Variants in ABCC9 observed in about 807,000 individuals in gnomAD.
The protein encoded by ABCC9 is ATP binding cassette subfamily C member 9.
Under a neutral mutation model 188.3 loss-of-function variants are expected in ABCC9, and 95 were observed. The observed-to-expected ratio is 0.50, with a 90% CI of 0.43 to 0.60. The LOEUF is 0.60. Ranked by LOEUF, ABCC9 falls within the 20% of genes least tolerant of loss-of-function variation. ABCC9 has a pLI of 0.00. For missense variants in ABCC9, 1,102 were observed against 1,876.3 expected (o/e 0.59, Z 7.62); for synonymous variants, 659 against 652.7 (o/e 1.01, Z -0.15).
chr12:21,856,666 C>G (rs955640003), intron 22 of ABCC9, among the ~76,000 whole-genome samples: 18 of 152,188 alleles, frequency 1.2e-4, no homozygotes, highest in African/African-American at 4.3e-4. Flanking sequence ...TTTCTCAACT[C>G]TATTTTCTTT....
chr12:21,840,375 C>T (rs756987615), intron 29 of ABCC9, among the ~76,000 whole-genome samples: 30 of 152,138 alleles, frequency 2.0e-4, no homozygotes, highest in East Asian at 3.9e-4. Context: ...ATAAGAATAG[C>T]GTACAATCCA....
intron 4 of ABCC9, among the ~76,000 whole-genome samples, chr12:21,929,979 C>A (rs1949211640): frequency 8.6e-6 from 1 of 115,678 alleles, no homozygotes; most frequent in African/African-American, 3.3e-5. Flanking sequence ...GCTATCCCTC[C>A]CCCCTCCCCC....
At chr12:21,851,949 C>G (rs571124856) in intron 24 of ABCC9, 148 bp downstream of exon 24, 2 of 970,232 alleles carry the variant, frequency 2.1e-6, no homozygotes, top group African/African-American at 1.6e-5. Flanking sequence ...TAATAATATG[C>G]AAAGATACAA....
At position 21,925,861 on chromosome 12, in the gene ABCC9, C is replaced by T. The variant is rs1949023591; in HGVS notation, c.406+81G>A. 4.1e-6 allele frequency: 6 copies of T among 1,461,818 alleles called. No homozygotes were observed. The Admixed American group carries it at 8.4e-5, about 21-fold the overall frequency. 90.6% of individuals were successfully genotyped at this position (1,461,818 alleles called of 1,614,324 possible). A position where few individuals can be genotyped will look rare whatever the true frequency, so the allele number is the denominator to read the frequency against. On this transcript the variant is annotated intron_variant, in intron 5 of 39. Coordinates refer to ENST00000261200, the MANE Select transcript of ABCC9 (RefSeq NM_020297.4). ...CCCACACACTCTGATACTATTTACC[C>T]TGAGGAAAAAGAAAAATAACCCTTT...
rs1220942080 is a variant in ABCC9, at chr12:21,882,774, C to T, written c.2011G>A (p.Ala671Thr). 5 of 1,608,920 alleles carry T rather than the reference C, an allele frequency of 3.1e-6. No homozygotes were observed. The highest frequency in any genetic ancestry group is 4.3e-6 in the Non-Finnish European group (5 of 1,175,440). ...RLRPAETEDI[A>T]IKVTNGYFSW... ...CAGGAAATAAAAATAACCTTTATTG[C>T]AATGTCCTCTGTTTCTGCGGGACGT... The change falls in exon 16 of 40, where the codon GCA becomes ACA. Residue 671 changes from alanine (A) to threonine (T), a missense_variant. By Grantham distance (58) the Ala-to-Thr change is moderately conservative. Coordinates refer to ENST00000261200, the MANE Select transcript of ABCC9 (RefSeq NM_020297.4).
chr12:21,910,703 T>C (rs1948283964), intron 9 of ABCC9, 123 bp downstream of exon 9: 1 of 839,986 alleles, frequency 1.2e-6, no homozygotes, highest in Non-Finnish European at 2.0e-6. Flanking sequence ...TATAGAAACG[T>C]TGTTGTTGTA....
chr12:21,900,597 G>A (rs546229313), intron 12 of ABCC9, among the ~76,000 whole-genome samples: 2 of 152,298 alleles, frequency 1.3e-5, no homozygotes, highest in African/African-American at 4.8e-5. Flanking sequence ...AGAATAACCA[G>A]TGTAGAGAAG....
intron 23 of ABCC9, 26 bp downstream of exon 23, chr12:21,852,342 A>T (rs752099811): frequency 1.9e-6 from 3 of 1,613,730 alleles, no homozygotes; most frequent in South Asian, 2.2e-5. Context: ...TATAAAAATG[A>T]GCAAAATTCT....
intron 12 of ABCC9, among the ~76,000 whole-genome samples, chr12:21,899,454 A>G (rs1469196814): frequency 6.6e-6 from 1 of 152,092 alleles, no homozygotes; most frequent in Non-Finnish European, 1.5e-5. Flanking sequence ...GGCTTGTTGG[A>G]CAGTGGGTGC....
At chr12:21,876,089 A>G (rs985739910) in intron 16 of ABCC9, among the ~76,000 whole-genome samples, 1 of 152,160 alleles carries the variant, frequency 6.6e-6, no homozygotes, top group Non-Finnish European at 1.5e-5. Flanking sequence ...ACTTGTAAGT[A>G]CTAAAAGACT....
At chr12:21,848,332 T>A in intron 24 of ABCC9, 86 bp from the exon 25 acceptor site, 1 of 1,177,120 alleles carries the variant, frequency 8.5e-7, no homozygotes, top group Non-Finnish European at 1.3e-6. Context: ...TGTAAATGGT[T>A]AGTTACCTTT....
chr12:21,849,290 T>C (rs1440699351), intron 24 of ABCC9, among the ~76,000 whole-genome samples: 3 of 152,158 alleles, frequency 2.0e-5, no homozygotes, highest in Non-Finnish European at 4.4e-5. Flanking sequence ...TCATACAACA[T>C]GTCTGATTTA....
At position 21,908,207 on chromosome 12, in the gene ABCC9, A is replaced by G; in HGVS notation, c.1325T>C (p.Ile442Thr). 6.2e-7 allele frequency: 1 copy of G among 1,612,408 alleles called. No homozygotes were observed. The highest frequency in any genetic ancestry group is 8.5e-7 in the Non-Finnish European group (1 of 1,178,816). ...ATTATAGAGCAGAATCACGCCCATT[A>G]TGATCTAGAGAGAAAAACACATGGA... is the stretch of plus-strand genomic sequence containing the variant. ...PNLWAMPVQI[I>T]MGVILLYNLL... The change falls in exon 11 of 40, where the codon ATA (isoleucine) becomes ACA (threonine). Residue 442 changes from isoleucine (I) to threonine (T), a missense_variant. Ile to Thr is a moderately conservative substitution (Grantham distance 89). Coordinates refer to ENST00000261200, the MANE Select transcript of ABCC9 (RefSeq NM_020297.4).
intron 3 of ABCC9, 74 bp from the exon 4 acceptor site, chr12:21,933,997 T>A (rs1949385492): frequency 1.3e-6 from 2 of 1,559,176 alleles, no homozygotes; most frequent in South Asian, 2.2e-5. Context: ...TAATTTAAAT[T>A]ATGATAAGCT....
At chr12:21,833,922 A>G (rs1477098281) in intron 30 of ABCC9, among the ~76,000 whole-genome samples, 1 of 152,148 alleles carries the variant, frequency 6.6e-6, no homozygotes, top group Non-Finnish European at 1.5e-5. Context: ...TGAAAACGCA[A>G]TAGTAAAAAA....
Position 21,814,627 on chromosome 12 carries a change from T to A in ABCC9, c.4102+17A>T, listed in dbSNP as rs761888147. Reference sequence around the variant, plus strand: ...AAGCACCAAGTGGCCACTTAAAAAATTTAGTTAGCAACTCACCATCAAATA... The same window carrying A: ...AAGCACCAAGTGGCCACTTAAAAAAATTAGTTAGCAACTCACCATCAAATA... On this transcript the variant is annotated intron_variant, in intron 35 of 39. Coordinates refer to ENST00000261200, the MANE Select transcript of ABCC9 (RefSeq NM_020297.4). The A allele has an allele frequency of 3.7e-6, 6 of 1,611,962 alleles. No homozygotes were observed. The highest frequency in any genetic ancestry group is 5.1e-6 in the Non-Finnish European group (6 of 1,178,322).
At chr12:21,864,289 C>G in intron 19 of ABCC9, 150 bp downstream of exon 19, 1 of 590,584 alleles carries the variant, frequency 1.7e-6, no homozygotes, top group Non-Finnish European at 3.0e-6. Context: ...AGCAGCTTGT[C>G]AAGGTTGCGA....
chr12:21,853,298 C>T (rs954352259), intron 22 of ABCC9, among the ~76,000 whole-genome samples: 1 of 151,952 alleles, frequency 6.6e-6, no homozygotes, highest in South Asian at 2.1e-4. Context: ...CCACTGCACT[C>T]CAGCCTGGTG....
intron 22 of ABCC9, 126 bp downstream of exon 22, chr12:21,859,459 CT>C (rs1390450988): frequency 1.1e-6 from 1 of 904,614 alleles, no homozygotes; most frequent in African/African-American, 1.6e-5. Flanking sequence ...TTTATTTCCC[CT>C]ATATACTTTA....
Sources: gnomAD v4.1 joint callset for allele counts (sites outside exome capture counted in the v4.1 genomes callset) on GRCh38, gnomAD v4.1.1 for gene constraint, MANE v1.5 for transcripts, NCBI Gene and HGNC (gene_info 2026-07-23, HGNC 2026-07-21) for gene names.